Variants in ADCYAP1R1 observed in about 807,000 individuals in gnomAD.
ADCYAP1R1 encodes ADCYAP receptor type I.
ADCYAP1R1 carries 44 observed loss-of-function variants against 67.6 expected under a neutral mutation model. The ratio of observed to expected loss-of-function variants is 0.65; its 90% CI spans 0.51 to 0.84. The LOEUF (loss-of-function observed/expected upper bound fraction) is 0.84, where lower values mean the gene tolerates loss of function less well. Among genes scored for constraint, ADCYAP1R1 ranks in the 40% least tolerant of loss-of-function variants. The pLI is 0.00. For synonymous variants in ADCYAP1R1, 222 were observed against 219.6 expected (o/e 1.01, Z -0.10); for missense variants, 477 against 587.9 (o/e 0.81, Z 1.95).
chr7:31,084,108 T>C (rs747574751), intron 6 of ADCYAP1R1, 33 bp from the exon 7 acceptor site: 2 of 1,589,922 alleles, frequency 1.3e-6, no homozygotes, highest in Admixed American at 3.3e-5. Context: ...CTTAATCATT[T>C]CTGGGCCTCG....
chr7:31,078,590 A>G (rs1795380618), intron 4 of ADCYAP1R1, among the ~76,000 whole-genome samples: 1 of 152,204 alleles, frequency 6.6e-6, no homozygotes, highest in Admixed American at 6.5e-5. Context: ...CACCCCCCTC[A>G]GGCAGAATGA....
chr7:31,058,787 A>C (rs1202138656), intron 1 of ADCYAP1R1, among the ~76,000 whole-genome samples: 1 of 152,170 alleles, frequency 6.6e-6, no homozygotes, highest in Non-Finnish European at 1.5e-5. Flanking sequence ...TCATTTGACC[A>C]GTAAGAGAGG....
intron 4 of ADCYAP1R1, among the ~76,000 whole-genome samples, chr7:31,080,232 C>T (rs927905574): frequency 1.3e-5 from 2 of 152,218 alleles, no homozygotes; most frequent in Non-Finnish European, 2.9e-5. Flanking sequence ...CCTTTTAGCA[C>T]CTCTGTTCAC....
intron 1 of ADCYAP1R1, among the ~76,000 whole-genome samples, chr7:31,055,819 C>T (rs531855787): frequency 9.8e-5 from 15 of 152,306 alleles, no homozygotes; most frequent in African/African-American, 3.4e-4. Context: ...CTCCATTCTA[C>T]GTGGAGCTCA....
rs1795921296 is a variant in ADCYAP1R1 at position 31,090,474 on chromosome 7, T to C, written c.955-2170T>C. On this transcript the variant is annotated intron_variant, in intron 12 of 15. Coordinates refer to ENST00000304166, the MANE Select transcript of ADCYAP1R1 (RefSeq NM_001118.5). ...CATGTGCAGGTTTGTTACATAGGTA[T>C]ATCACATGATGCTGAAGTTATGGGT... Among the ~76,000 whole-genome samples, 3 of 152,214 alleles carry C rather than the reference T, an allele frequency of 2.0e-5. No homozygotes were observed. The South Asian group carries it at 6.2e-4, about 31-fold the overall frequency.
At position 31,086,602 on chromosome 7, in the gene ADCYAP1R1, T is replaced by G; in HGVS notation, c.823+65T>G. 6.3e-7 allele frequency: 1 copy of G among 1,589,908 alleles called. No individual in the cohort carries two copies. Among genetic ancestry groups the G allele is most frequent in the Non-Finnish European group, 8.6e-7 (1 of 1,163,794 alleles). ...TGGTCAGGTGTGTCCAGGTGTGTCTTTGGTTCCATCTTCAGGAAGTGTCAG... is the reference window on the plus strand; with the variant it reads ...TGGTCAGGTGTGTCCAGGTGTGTCTGTGGTTCCATCTTCAGGAAGTGTCAG... On this transcript the variant is annotated intron_variant, in intron 10 of 15. Coordinates refer to ENST00000304166, the MANE Select transcript of ADCYAP1R1 (RefSeq NM_001118.5). The surrounding 1 kb of genome is among the most constrained non-coding windows in gnomAD (Gnocchi z 5.0).
At chr7:31,082,440 AAAAG>A (rs1317216276) in intron 6 of ADCYAP1R1, among the ~76,000 whole-genome samples, 1 of 152,230 alleles carries the variant, frequency 6.6e-6, no homozygotes, top group East Asian at 1.9e-4. Context: ...AAAAAGGAAA[AAAAG>A]AAAGAAGGAA....
In ADCYAP1R1 at chr7:31,084,203, T is replaced by C; in HGVS notation, c.391T>C (p.Phe131Leu). 6.2e-7 allele frequency: 1 copy of C among 1,614,172 alleles called. No homozygotes were observed. Among genetic ancestry groups the C allele is most frequent in the Non-Finnish European group, 8.5e-7 (1 of 1,180,036 alleles). Reference sequence around the variant, plus strand: ...CTGGTCGGAACCCTTCCCTCATTACTTTGATGCCTGTGGGTTTGATGAATA... The same window carrying C: ...CTGGTCGGAACCCTTCCCTCATTACCTTGATGCCTGTGGGTTTGATGAATA... The part of the protein sequence containing the change: ...DGWSEPFPHY[F>L]DACGFDEYES... Residue 131 changes from phenylalanine to leucine, a missense_variant, in exon 7 of 16, where the codon TTT becomes CTT. By Grantham distance (22) the Phe-to-Leu change is conservative. Coordinates refer to ENST00000304166, the MANE Select transcript of ADCYAP1R1 (RefSeq NM_001118.5).
chr7:31,064,478 C>A (rs1456879328), intron 2 of ADCYAP1R1, among the ~76,000 whole-genome samples: 1 of 152,194 alleles, frequency 6.6e-6, no homozygotes, highest in Non-Finnish European at 1.5e-5. Flanking sequence ...AATAGTACTT[C>A]ATAGTACTCT....
chr7:31,061,062 A>G (rs1008814793), intron 1 of ADCYAP1R1, among the ~76,000 whole-genome samples: 2 of 152,196 alleles, frequency 1.3e-5, no homozygotes, highest in Admixed American at 6.5e-5. Context: ...AGCAGTGAGT[A>G]TCTGCTAGGG....
intron 6 of ADCYAP1R1, among the ~76,000 whole-genome samples, chr7:31,083,417 C>G (rs966998077): frequency 2.0e-5 from 3 of 152,224 alleles, no homozygotes; most frequent in Non-Finnish European, 4.4e-5. Flanking sequence ...ATCCCACCCC[C>G]TCGAGTGTCC....
chr7:31,080,365 CTG>C (rs1010556085), intron 4 of ADCYAP1R1, among the ~76,000 whole-genome samples: 5 of 152,158 alleles, frequency 3.3e-5, no homozygotes, highest in Non-Finnish European at 7.3e-5. Context: ...ATTGGAGAGA[CTG>C]GAGATGTGGG....
intron 4 of ADCYAP1R1, 51 bp downstream of exon 4, chr7:31,078,149 A>G: frequency 6.8e-7 from 1 of 1,481,322 alleles, no homozygotes; most frequent in Non-Finnish European, 9.2e-7. Flanking sequence ...CTGCTCCCCA[A>G]ATTCGGCCCC....
At chr7:31,083,273 C>T (rs1795589749) in intron 6 of ADCYAP1R1, among the ~76,000 whole-genome samples, 1 of 152,176 alleles carries the variant, frequency 6.6e-6, no homozygotes, top group Non-Finnish European at 1.5e-5. Flanking sequence ...ATGAGTGGCT[C>T]ACCATTATAA....
rs367694222 is a variant in ADCYAP1R1, at chr7:31,058,083, G to A, written c.-71-5111G>A. Among the ~76,000 whole-genome samples, 14 of 152,328 alleles carry A rather than the reference G, an allele frequency of 9.2e-5. No individual in the cohort carries two copies. The East Asian group carries it at 2.7e-3, about 29-fold the overall frequency. On this transcript the variant is annotated intron_variant, in intron 1 of 15. Coordinates refer to ENST00000304166, the MANE Select transcript of ADCYAP1R1 (RefSeq NM_001118.5). ...AGGCAGAGGAAACTGTGCTGCTCTGGGCTGGTTGGGAAGGGCACAGGGACA... is the reference window on the plus strand; with the variant it reads ...AGGCAGAGGAAACTGTGCTGCTCTGAGCTGGTTGGGAAGGGCACAGGGACA...
In ADCYAP1R1 at chr7:31,111,457, A is replaced by G. The variant is rs1344529195; in HGVS notation, c.*4773A>G. The G allele has an allele frequency of 6.6e-6, 1 of 152,136 alleles. No individual in the cohort carries two copies. The highest frequency in any genetic ancestry group is 1.5e-5 in the Non-Finnish European group (1 of 68,046). 9.4% of individuals were successfully genotyped at this position (152,136 alleles called of 1,614,324 possible). On this transcript the variant is annotated 3_prime_UTR_variant, in exon 16 of 16. Coordinates refer to ENST00000304166, the MANE Select transcript of ADCYAP1R1 (RefSeq NM_001118.5). ...GTCAGACTGCTGTAGATGACTCAAT[A>G]AATGTTTTGCCATTTTTCCTGGTGG...
At position 31,095,645 on chromosome 7, in the gene ADCYAP1R1, G is replaced by A. The variant is rs565243572; in HGVS notation, c.1046+2910G>A. ...TCAGATCTGCCCACAACAGCTCTCC[G>A]GTTTTTTCCTCTTATTTCCAGAACA... On this transcript the variant is annotated intron_variant, in intron 13 of 15. Coordinates refer to ENST00000304166, the MANE Select transcript of ADCYAP1R1 (RefSeq NM_001118.5). 4.2e-5 allele frequency: 30 copies of A among 717,654 alleles called. No individual in the cohort carries two copies. The East Asian group carries it at 4.6e-4, about 11-fold the overall frequency. The allele number at this position is 717,654 out of a possible 1,614,324, so 44.5% of individuals were successfully genotyped here.
chr7:31,069,316 A>C (rs191003658), intron 3 of ADCYAP1R1, among the ~76,000 whole-genome samples: 1 of 152,280 alleles, frequency 6.6e-6, no homozygotes, highest in Non-Finnish European at 1.5e-5. Context: ...CTCCTGCTGC[A>C]TCTCTTTCCT....
At chr7:31,103,122 A>G in intron 13 of ADCYAP1R1, 115 bp from the exon 14 acceptor site, 1 of 1,435,642 alleles carries the variant, frequency 7.0e-7, no homozygotes, top group Non-Finnish European at 9.4e-7. Context: ...GTCTGTGGAC[A>G]CGGGCCCCAG....
Sources: gnomAD v4.1 joint callset for allele counts (sites outside exome capture counted in the v4.1 genomes callset) on GRCh38, gnomAD v4.1.1 for gene constraint, Gnocchi (gnomAD v3.1) non-coding constraint, MANE v1.5 for transcripts, NCBI Gene and HGNC (gene_info 2026-07-23, HGNC 2026-07-21) for gene names.